RGCC: variants seen among roughly 807,000 people sequenced by gnomAD.
RGCC encodes the protein regulator of cell cycle RGCC.
RGCC carries 15 observed loss-of-function variants against 15.4 expected under a neutral mutation model. That is an observed-to-expected ratio of 0.97 (90% CI 0.65 to 1.50). The LOEUF is 1.50. RGCC is among the 40% of genes most tolerant of loss of function. RGCC has a pLI of 0.00. For missense variants in RGCC, 176 were observed against 189.7 expected (o/e 0.93, Z 0.42); for synonymous variants, 81 against 78.0 (o/e 1.04, Z -0.20).
chr13:41,466,195 ACACACTCATACACT>A (rs1285590870), intron 2 of RGCC, among the ~76,000 whole-genome samples: 1 of 143,984 alleles, frequency 6.9e-6, no homozygotes, highest in Non-Finnish European at 1.5e-5. Context: ...ACACACTCAC[ACACACTCATACACT>A]CACACACTTT....
At chr13:41,463,340 GCTT>G (rs1239850141) in intron 2 of RGCC, among the ~76,000 whole-genome samples, 2 of 151,954 alleles carry the variant, frequency 1.3e-5, no homozygotes, top group Non-Finnish European at 2.9e-5. Context: ...CTGGCGGTCG[GCTT>G]CTTCTTGGTG....
At chr13:41,462,640 G>A (rs541844527) in intron 2 of RGCC, among the ~76,000 whole-genome samples, 1 of 152,066 alleles carries the variant, frequency 6.6e-6, no homozygotes, top group African/African-American at 2.4e-5. Context: ...ATACCCACGC[G>A]GGGCAATAAT....
At position 41,458,525 on chromosome 13, in the gene RGCC, C is replaced by A. The variant is rs966295625; in HGVS notation, c.235+55C>A. On this transcript the variant is annotated intron_variant, in intron 2 of 4. Transcript: ENST00000379359. This position sits in a 1 kb window ranked among gnomAD's most constrained non-coding sequence, Gnocchi z 4.4. ...GGGATCTCCCAGCTCCCAGGACCTG[C>A]CCCGCGAAGGCTGCGGCCTCAGTTT... 74 of 1,512,026 alleles carry A rather than the reference C, an allele frequency of 4.9e-5. No homozygotes were observed. The Admixed American group carries it at 1.5e-3, about 30-fold the overall frequency. 93.7% of individuals were successfully genotyped at this position (1,512,026 alleles called of 1,614,324 possible).
At position 41,466,804 on chromosome 13, in the gene RGCC, A is replaced by G. The variant is rs1209993406; in HGVS notation, c.236-19A>G. The G allele has an allele frequency of 1.3e-6, 2 of 1,518,916 alleles. No individual in the cohort carries two copies. The highest frequency in any genetic ancestry group is 9.1e-7 in the Non-Finnish European group (1 of 1,093,528). The allele number at this position is 1,518,916 out of a possible 1,614,324, so 94.1% of individuals were successfully genotyped here. A position where few individuals can be genotyped will look rare whatever the true frequency, so the allele number is the denominator to read the frequency against. On this transcript the variant is annotated intron_variant, in intron 2 of 4. Coordinates refer to ENST00000379359, the MANE Select transcript of RGCC (RefSeq NM_014059.3). ...CTCATGAGTACTATTTCTAATGAGT[A>G]TATTTTCCTTCCTGAAAGGTGCAGA...
chr13:41,459,937 G>A lies in RGCC; in HGVS notation c.235+1467G>A, dbSNP rs916402845. 2.0e-5 allele frequency among the ~76,000 whole-genome samples: 3 copies of A among 152,218 alleles called. No homozygotes were observed. In the East Asian group the frequency reaches 5.8e-4, roughly 29 times the overall value. On this transcript the variant is annotated intron_variant, in intron 2 of 4. Transcript: ENST00000379359. ...CAACAGCCTCACTCTACTAGAATAG[G>A]TCTGAGCGCGCCCATTCATGGCTGA...
chr13:41,467,923 A>T (rs1000770822), intron 3 of RGCC, among the ~76,000 whole-genome samples: 1 of 152,194 alleles, frequency 6.6e-6, no homozygotes, highest in Non-Finnish European at 1.5e-5. Flanking sequence ...AAATTGACTT[A>T]AAAGGCTAAG....
rs570701560 is a variant in RGCC, at chr13:41,469,351, A to G, written c.406+513A>G. Among the ~76,000 whole-genome samples the G allele has an allele frequency of 9.2e-5, 14 of 152,122 alleles. No homozygotes were observed. The South Asian group carries it at 2.7e-3, about 29-fold the overall frequency. Reference sequence around the variant, plus strand: ...AAGAAGAAACAGGACTCTAGTGGCTAGGAATGAAATTCTGGGATAAGCTTG... The same window carrying G: ...AAGAAGAAACAGGACTCTAGTGGCTGGGAATGAAATTCTGGGATAAGCTTG... On this transcript the variant is annotated intron_variant, in intron 4 of 4. Transcript: ENST00000379359.
intron 4 of RGCC, 113 bp downstream of exon 4, chr13:41,468,951 C>T: frequency 1.4e-6 from 1 of 733,050 alleles, no homozygotes; most frequent in South Asian, 1.7e-5. Context: ...CATCCTAAGC[C>T]TTCTATAGGT....
intron 3 of RGCC, among the ~76,000 whole-genome samples, chr13:41,467,681 G>C (rs2043855358): frequency 6.6e-6 from 1 of 152,160 alleles, no homozygotes; most frequent in African/African-American, 2.4e-5. Context: ...TTTCACTTTG[G>C]CAATAAGACA....
At position 41,463,481 on chromosome 13, in the gene RGCC, G is replaced by A. The variant is rs61964005; in HGVS notation, c.236-3342G>A. 4.7e-4 allele frequency among the ~76,000 whole-genome samples: 3 copies of A among 6,448 alleles called. 1 individual carries two copies. In the South Asian group the frequency reaches 0.1, roughly 215 times the overall value. The allele number at this position is 6,448 out of a possible 152,430, so 4.2% of individuals were successfully genotyped here. On this transcript the variant is annotated intron_variant, in intron 2 of 4. Coordinates refer to ENST00000379359, the MANE Select transcript of RGCC (RefSeq NM_014059.3). ...AGCTAATGTGTATCTGTGTGTGTGT[G>A]TGTGTGTGTGTGTGTGTGTGTGGTG... is the stretch of plus-strand genomic sequence containing the variant.
intron 2 of RGCC, among the ~76,000 whole-genome samples, chr13:41,464,422 G>C (rs1473039498): frequency 5.3e-5 from 8 of 152,178 alleles, no homozygotes; most frequent in Admixed American, 3.9e-4. Flanking sequence ...GTGTGTAGGG[G>C]AAAGGGCTTC....
chr13:41,466,469 A>G (rs940474595), intron 2 of RGCC, among the ~76,000 whole-genome samples: 1 of 151,976 alleles, frequency 6.6e-6, no homozygotes. Flanking sequence ...GCTCACTGCA[A>G]ACTCCACCTC....
At chr13:41,465,550 G>A (rs375207184) in intron 2 of RGCC, among the ~76,000 whole-genome samples, 1 of 76,608 alleles carries the variant, frequency 1.3e-5, no homozygotes, top group Non-Finnish European at 3.6e-5. Flanking sequence ...TAGGCCCAGA[G>A]ATGTACTAGC....
At chr13:41,464,381 G>C (rs1338794718) in intron 2 of RGCC, among the ~76,000 whole-genome samples, 2 of 152,214 alleles carry the variant, frequency 1.3e-5, no homozygotes, top group African/African-American at 2.4e-5. Flanking sequence ...AGGCTTCCTT[G>C]CAGGTCTGCA....
intron 3 of RGCC, among the ~76,000 whole-genome samples, 157 bp from the exon 4 acceptor site, chr13:41,468,619 T>C (rs2043859325): frequency 1.3e-5 from 2 of 152,210 alleles, no homozygotes; most frequent in African/African-American, 4.8e-5. Flanking sequence ...TCAATAAAAG[T>C]CTCTGAAGAT....
chr13:41,466,165 TCTCA>T (rs1566338328), intron 2 of RGCC, among the ~76,000 whole-genome samples: 1 of 121,056 alleles, frequency 8.3e-6, no homozygotes, highest in Non-Finnish European at 1.7e-5. Flanking sequence ...ACGCACACAC[TCTCA>T]CACACTTTCT....
rs747577417 is a variant in RGCC, at chr13:41,458,345, C to T, written c.110C>T (p.Ala37Val). The T allele has an allele frequency of 6.3e-7, 1 of 1,590,328 alleles. No individual in the cohort carries two copies. The highest frequency in any genetic ancestry group is 8.5e-7 in the Non-Finnish European group (1 of 1,174,690). ...DLSDALCEFD[A>V]VLADFASPFH... ...TCGGACGCGCTGTGCGAGTTTGACG[C>T]GGTGCTGGCCGACTTCGCGTCGCCC... Residue 37 changes from alanine to valine, a missense_variant, in exon 2 of 5, where the codon GCG becomes GTG. Ala to Val is a moderately conservative substitution (Grantham distance 64). Coordinates refer to ENST00000379359, the MANE Select transcript of RGCC (RefSeq NM_014059.3). This position sits in a 1 kb window ranked among gnomAD's most constrained non-coding sequence, Gnocchi z 4.4.
At chr13:41,463,207 A>G (rs1443963424) in intron 2 of RGCC, among the ~76,000 whole-genome samples, 1 of 152,192 alleles carries the variant, frequency 6.6e-6, no homozygotes, top group Non-Finnish European at 1.5e-5. Flanking sequence ...TAGATGCTAG[A>G]TGCCCACTCG....
At chr13:41,469,283 TAATAATAATAATAAG>T (rs746935095) in intron 4 of RGCC, among the ~76,000 whole-genome samples, 2,829 of 115,652 alleles carry the variant, frequency 0.024, 38 homozygotes, top group South Asian at 0.044. Context: ...ATAATAATAA[TAATAATAATAATAAG>T]AAGAAGAAGA....
Sources: allele counts gnomAD v4.1 joint callset (sites outside exome capture counted in the v4.1 genomes callset), GRCh38; gene constraint gnomAD v4.1.1; non-coding constraint Gnocchi (gnomAD v3.1); transcripts MANE v1.5; gene names NCBI Gene and HGNC (gene_info 2026-07-23, HGNC 2026-07-21).